DACH2: variants seen among roughly 807,000 people sequenced by gnomAD.
DACH2 encodes dachshund family transcription factor 2.
In DACH2, 17 loss-of-function variants were observed where a neutral mutation model predicts 35.8. That is an observed-to-expected ratio of 0.48 (90% CI 0.33 to 0.71). The LOEUF is 0.71. Ranked by LOEUF, DACH2 falls within the 30% of genes least tolerant of loss-of-function variation. DACH2 has a pLI of 0.02. For missense variants in DACH2, 469 were observed against 472.7 expected (o/e 0.99, Z 0.07); for synonymous variants, 195 against 177.3 (o/e 1.10, Z -0.79).
chrX:86,562,734 A>G (rs2039240358), intron 3 of DACH2, among the ~76,000 whole-genome samples: 1 of 111,619 alleles, frequency 9.0e-6, no homozygotes, highest in Admixed American at 9.6e-5. Flanking sequence ...AGTAAAGTAT[A>G]TGAATATGCA....
At chrX:86,236,107 G>T (rs2033050797) in intron 1 of DACH2, among the ~76,000 whole-genome samples, 1 of 101,721 alleles carries the variant, frequency 9.8e-6, no homozygotes, top group Admixed American at 1.1e-4. Context: ...ACTCCAGCCT[G>T]GGTGACAGAG....
At chrX:86,427,376 C>A (rs1402820553) in intron 2 of DACH2, among the ~76,000 whole-genome samples, 1 of 111,016 alleles carries the variant, frequency 9.0e-6, no homozygotes, top group Admixed American at 9.6e-5. Context: ...GGATTAGTTC[C>A]CCCACTCGAG....
intron 1 of DACH2, among the ~76,000 whole-genome samples, chrX:86,333,106 C>T (rs775867116): frequency 1.8e-5 from 2 of 111,497 alleles, no homozygotes; most frequent in African/African-American, 3.3e-5. Flanking sequence ...TAGGGATAAA[C>T]GACTGTATGA....
At chrX:86,446,450 C>T (rs1229517411) in intron 2 of DACH2, among the ~76,000 whole-genome samples, 25 of 57,597 alleles carry the variant, frequency 4.3e-4, no homozygotes, top group African/African-American at 1.5e-3. Flanking sequence ...CCCCCTCCCC[C>T]GACCCCATCA....
At position 86,786,034 on chromosome X, in the gene DACH2, C is replaced by T. The variant is rs773101069; in HGVS notation, c.1241-26822C>T. 6.3e-5 allele frequency among the ~76,000 whole-genome samples: 7 copies of T among 110,998 alleles called. No homozygotes were observed. The South Asian group carries it at 1.5e-3, about 24-fold the overall frequency. On this transcript the variant is annotated intron_variant, in intron 7 of 11. Transcript: ENST00000373125. ...AATCTATAACGTTATACATGAGAAG[C>T]CATGAAGAAAAGAAATTGGAATACT...
chrX:86,807,238 A>G (rs2042353629), intron 7 of DACH2, among the ~76,000 whole-genome samples: 1 of 112,036 alleles, frequency 8.9e-6, no homozygotes, highest in Admixed American at 9.5e-5. Context: ...ATATGACTAT[A>G]TACTCCTCTT....
In DACH2 at chrX:86,384,195, G is replaced by A. The variant is rs893977913; in HGVS notation, c.527+7333G>A. The stretch of plus-strand genomic sequence containing the variant: ...AGATGTAACTAAATGACTGAGACAG[G>A]ATAAAGAGGAAAGGCTCATAACCAC... On this transcript the variant is annotated intron_variant, in intron 2 of 11. Coordinates refer to ENST00000373125, the MANE Select transcript of DACH2 (RefSeq NM_053281.3). Among the ~76,000 whole-genome samples the A allele has an allele frequency of 3.6e-5, 4 of 110,856 alleles. 1 individual carries two copies. The highest frequency in any genetic ancestry group is 7.6e-5 in the Non-Finnish European group (4 of 52,617).
At chrX:86,734,215 A>G (rs1044448067) in intron 6 of DACH2, among the ~76,000 whole-genome samples, 2 of 111,077 alleles carry the variant, frequency 1.8e-5, no homozygotes, top group Non-Finnish European at 3.8e-5. Flanking sequence ...GACACCACAT[A>G]GGTCACACAA....
chrX:86,437,137 T>C (rs1312523621), intron 2 of DACH2, among the ~76,000 whole-genome samples: 1 of 111,287 alleles, frequency 9.0e-6, no homozygotes, highest in East Asian at 2.8e-4. Context: ...TTTTTAACTT[T>C]GTTGATTTCC....
chrX:86,499,912 C>T (rs2038226458), intron 2 of DACH2, among the ~76,000 whole-genome samples: 1 of 111,043 alleles, frequency 9.0e-6, no homozygotes, highest in Non-Finnish European at 1.9e-5. Flanking sequence ...ATAGGATTTG[C>T]TGATTTCTGT....
chrX:86,760,112 C>T (rs1382410692), intron 7 of DACH2, among the ~76,000 whole-genome samples: 1 of 111,223 alleles, frequency 9.0e-6, no homozygotes, highest in Non-Finnish European at 1.9e-5. Context: ...CACTATTCTC[C>T]TTCTGTTTTT....
At chrX:86,638,680 G>C (rs1162460667) in intron 3 of DACH2, among the ~76,000 whole-genome samples, 1 of 112,045 alleles carries the variant, frequency 8.9e-6, no homozygotes, top group African/African-American at 3.2e-5. Flanking sequence ...CTATTCATCA[G>C]ACAAATTCAA....
At chrX:86,624,464 C>CA (rs1194272857) in intron 3 of DACH2, among the ~76,000 whole-genome samples, 1 of 111,654 alleles carries the variant, frequency 9.0e-6, no homozygotes, top group Non-Finnish European at 1.9e-5. Context: ...TATAATTTGA[C>CA]AAAAAGTTGA....
At chrX:86,326,482 T>TACACACACAC (rs775373273) in intron 1 of DACH2, among the ~76,000 whole-genome samples, 1 of 72,831 alleles carries the variant, frequency 1.4e-5, no homozygotes, top group Non-Finnish European at 2.6e-5. Flanking sequence ...GTTAAAAAAT[T>TACACACACAC]ATACATACAC....
intron 2 of DACH2, among the ~76,000 whole-genome samples, chrX:86,477,339 C>T (rs867218542): frequency 5.3e-5 from 4 of 75,847 alleles, no homozygotes; most frequent in African/African-American, 9.5e-5. Context: ...GTGTTGAGTG[C>T]ATATATATAT....
chrX:86,237,792 G>A (rs1436484054), intron 1 of DACH2, among the ~76,000 whole-genome samples: 2 of 112,021 alleles, frequency 1.8e-5, no homozygotes, highest in African/African-American at 6.5e-5. Context: ...GGCTCCCTGT[G>A]AGGCTGTGGC....
intron 2 of DACH2, among the ~76,000 whole-genome samples, chrX:86,512,419 A>C (rs1298545979): frequency 9.0e-6 from 1 of 111,261 alleles, no homozygotes; most frequent in Non-Finnish European, 1.9e-5. Flanking sequence ...GTGAGAATTG[A>C]CCAAGAAATT....
chrX:86,692,129 G>C (rs1008044274), intron 4 of DACH2, among the ~76,000 whole-genome samples: 1 of 111,488 alleles, frequency 9.0e-6, no homozygotes, highest in Non-Finnish European at 1.9e-5. Flanking sequence ...CTCCTCAGCC[G>C]CTCGATTCAT....
chrX:86,831,895 AG>A, intron 11 of DACH2: 1 of 375,523 alleles, frequency 2.7e-6, no homozygotes, highest in East Asian at 4.3e-5. Flanking sequence ...TGTGGAAAGA[AG>A]AACAGAAGCT....
Sources: allele counts gnomAD v4.1 joint callset (sites outside exome capture counted in the v4.1 genomes callset), GRCh38; gene constraint gnomAD v4.1.1; transcripts MANE v1.5; gene names NCBI Gene and HGNC (gene_info 2026-07-23, HGNC 2026-07-21).